Variants in COG7 observed in about 807,000 individuals in gnomAD.
COG7 encodes conserved oligomeric Golgi complex subunit 7.
Under a neutral mutation model 91.5 loss-of-function variants are expected in COG7, and 49 were observed. The ratio of observed to expected loss-of-function variants is 0.54; its 90% CI spans 0.43 to 0.68. The LOEUF (loss-of-function observed/expected upper bound fraction) is 0.68. Ranked by LOEUF, COG7 falls within the 30% of genes least tolerant of loss-of-function variation. The pLI is 0.00. For synonymous variants in COG7, 365 were observed against 388.7 expected, an observed-to-expected ratio of 0.94 and a Z score of 0.72; for missense variants, 895 against 961.3, an observed-to-expected ratio of 0.93 and a Z score of 0.91.
At chr16:23,423,543 G>C (rs1222813324) in intron 7 of COG7, among the ~76,000 whole-genome samples, 1 of 152,146 alleles carries the variant, frequency 6.6e-6, no homozygotes, top group Non-Finnish European at 1.5e-5. Context: ...AAGGCATCAC[G>C]GTCCCTTGGA....
At chr16:23,424,593 A>G (rs149658083) in intron 7 of COG7, among the ~76,000 whole-genome samples, 156 bp downstream of exon 7, 3 of 152,330 alleles carry the variant, frequency 2.0e-5, no homozygotes, top group Admixed American at 6.5e-5. Context: ...ATGTTTTTTC[A>G]TGGAAAAGCC....
At chr16:23,407,722 C>T (rs1468716284) in intron 11 of COG7, among the ~76,000 whole-genome samples, 2 of 152,146 alleles carry the variant, frequency 1.3e-5, no homozygotes, top group Non-Finnish European at 1.5e-5. Context: ...GTGCCTGGTA[C>T]GTGGCAGGGG....
rs190076654 is a variant in COG7 at position 23,426,587 on chromosome 16, T to A, written c.811-1640A>T. ...AGAATGAAGGGAAAATACATGATCA[T>A]CTCAATTAATGCAGAAAATATATTT... is the stretch of plus-strand genomic sequence containing the variant. On this transcript the variant is annotated intron_variant, in intron 6 of 16. Transcript: ENST00000307149. Among the ~76,000 whole-genome samples the A allele has an allele frequency of 1.2e-3, 177 of 152,190 alleles. 1 individual carries two copies. The South Asian group carries it at 0.019, about 16-fold the overall frequency.
At chr16:23,398,260 G>C in intron 13 of COG7, 131 bp from the exon 14 acceptor site, 1 of 743,944 alleles carries the variant, frequency 1.3e-6, no homozygotes, top group Admixed American at 2.0e-5. Context: ...GACCGTTGGA[G>C]CCTCCACCAC....
At chr16:23,413,176 CA>C in intron 10 of COG7, 1 of 385,484 alleles carries the variant, frequency 2.6e-6, no homozygotes, top group Non-Finnish European at 4.9e-6. Context: ...AATCTCACAT[CA>C]AATATAAAAA....
chr16:23,426,476 T>C (rs939009015), intron 6 of COG7, among the ~76,000 whole-genome samples: 3 of 152,130 alleles, frequency 2.0e-5, no homozygotes, highest in African/African-American at 4.8e-5. Flanking sequence ...CACTTGAAGT[T>C]AGGAATTTGA....
intron 7 of COG7, 53 bp from the exon 8 acceptor site, chr16:23,418,880 CT>C (rs1283547632): frequency 7.0e-6 from 11 of 1,569,760 alleles, no homozygotes; most frequent in Non-Finnish European, 9.6e-6. Context: ...CTGAAATTAA[CT>C]GTGGGAAAGC....
rs1418975413 is a variant in COG7, at chr16:23,388,797, G to A, written c.*123C>T. 1 of 1,537,864 alleles carries A rather than the reference G, an allele frequency of 6.5e-7. No homozygotes were observed. The highest frequency in any genetic ancestry group is 8.7e-7 in the Non-Finnish European group (1 of 1,143,650). ...TTACAGGCGTGAGCCACCGTGACCAGCTGAACCAAGTCTTTTTAAAGTAAC... is the reference window on the plus strand; with the variant it reads ...TTACAGGCGTGAGCCACCGTGACCAACTGAACCAAGTCTTTTTAAAGTAAC... On this transcript the variant is annotated 3_prime_UTR_variant, in exon 17 of 17. Transcript: ENST00000307149.
intron 6 of COG7, among the ~76,000 whole-genome samples, chr16:23,425,801 C>A (rs995200128): frequency 2.0e-5 from 3 of 152,208 alleles, no homozygotes; most frequent in Non-Finnish European, 4.4e-5. Context: ...GAACTTGCAA[C>A]TTGCCTAGAA....
chr16:23,434,591 G>A (rs750795526), intron 5 of COG7, 45 bp downstream of exon 5: 5 of 1,355,326 alleles, frequency 3.7e-6, no homozygotes, highest in Non-Finnish European at 5.3e-6. Flanking sequence ...CCAGAGTTAT[G>A]AGCATTCCAC....
At chr16:23,394,412 TA>T (rs1192475390) in intron 14 of COG7, among the ~76,000 whole-genome samples, 1 of 152,226 alleles carries the variant, frequency 6.6e-6, no homozygotes. Flanking sequence ...TTTTGTGTTT[TA>T]AGGTTAAGTA....
At chr16:23,403,873 A>G (rs1158516869) in intron 12 of COG7, 39 bp from the exon 13 acceptor site, 2 of 1,613,758 alleles carry the variant, frequency 1.2e-6, no homozygotes, top group Non-Finnish European at 1.7e-6. Context: ...GTTAGGCCTG[A>G]AACCCAACCC....
intron 1 of COG7, 132 bp downstream of exon 1, chr16:23,452,694 G>A (rs1964283255): frequency 1.0e-5 from 15 of 1,464,014 alleles, no homozygotes; most frequent in Non-Finnish European, 1.4e-5. Flanking sequence ...GGAGTTCGGG[G>A]CTTGCTCTTT....
intron 14 of COG7, among the ~76,000 whole-genome samples, chr16:23,394,506 T>A (rs1224543209): frequency 6.6e-6 from 1 of 152,172 alleles, no homozygotes; most frequent in Non-Finnish European, 1.5e-5. Context: ...TTCTGCCTGT[T>A]GTTGTTTTTT....
chr16:23,437,850 G>A (rs1286509224), intron 4 of COG7, among the ~76,000 whole-genome samples: 1 of 152,188 alleles, frequency 6.6e-6, no homozygotes, highest in Non-Finnish European at 1.5e-5. Context: ...ACCTGGGGAG[G>A]CTGAGGCGGG....
intron 10 of COG7, among the ~76,000 whole-genome samples, chr16:23,410,948 C>G (rs1205733913): frequency 6.6e-6 from 1 of 152,154 alleles, no homozygotes; most frequent in Non-Finnish European, 1.5e-5. Context: ...CTTAAGTGAT[C>G]CGCCTGCCTT....
At chr16:23,418,653 G>T in intron 8 of COG7, 47 bp downstream of exon 8, 1 of 1,605,834 alleles carries the variant, frequency 6.2e-7, no homozygotes, top group South Asian at 1.1e-5. Context: ...CCAAGACCCT[G>T]GCTAACAGAA....
intron 13 of COG7, among the ~76,000 whole-genome samples, chr16:23,402,345 AT>A (rs57801261): frequency 0.28 from 41,293 of 147,876 alleles, 6,280 homozygotes; most frequent in African/African-American, 0.42. Context: ...TATTTATTAG[AT>A]TTTTTTTTTT....
chr16:23,425,674 G>A (rs1963834910), intron 6 of COG7, among the ~76,000 whole-genome samples: 1 of 152,004 alleles, frequency 6.6e-6, no homozygotes, highest in Non-Finnish European at 1.5e-5. Flanking sequence ...TATCTCCTGG[G>A]TCATCTCAAA....
Sources: allele counts gnomAD v4.1 joint callset (sites outside exome capture counted in the v4.1 genomes callset), GRCh38; gene constraint gnomAD v4.1.1; transcripts MANE v1.5; gene names NCBI Gene and HGNC (gene_info 2026-07-23, HGNC 2026-07-21).